The following AUTS2 variants were observed in gnomAD, a reference collection of about 807,000 sequenced individuals.
The protein encoded by AUTS2 is activator of transcription and developmental regulator AUTS2.
Under a neutral mutation model 112.4 loss-of-function variants are expected in AUTS2, and 17 were observed. The observed-to-expected ratio is 0.15, with a 90% confidence interval of 0.10 to 0.23. The LOEUF (loss-of-function observed/expected upper bound fraction) is 0.23, where lower values mean the gene tolerates loss of function less well. Among genes scored for constraint, AUTS2 ranks in the 10% least tolerant of loss-of-function variants. The pLI, the probability that AUTS2 is intolerant of heterozygous loss-of-function variation, is 1.00. For synonymous variants in AUTS2, 751 were observed against 702.7 expected, an observed-to-expected ratio of 1.07 and a Z score of -1.09; for missense variants, 1,510 against 1,701.6, an observed-to-expected ratio of 0.89 and a Z score of 1.98.
chr7:69,817,732 C>T lies in AUTS2; in HGVS notation c.310-81554C>T, dbSNP rs542661504. ...TTATGATATTTAAACCATGGCCTGC[C>T]TTGGGTGGCGGGACAGCCCTGCCCG... On this transcript the variant is annotated intron_variant, in intron 1 of 18. Coordinates refer to ENST00000342771, the MANE Select transcript of AUTS2 (RefSeq NM_015570.4). Among the ~76,000 whole-genome samples, 34 of 152,262 alleles carry T rather than the reference C, an allele frequency of 2.2e-4. No homozygotes were observed. The South Asian group carries it at 3.5e-3, about 16-fold the overall frequency.
rs760502563 is a variant in AUTS2, at chr7:70,787,264, C to A, written c.2364C>A (p.Asn788Lys). Residue 788 changes from asparagine to lysine, a missense_variant, in exon 18 of 19, where the codon AAC becomes AAA. Physicochemically the swap from Asn to Lys is moderately conservative, Grantham distance 94. This residue lies in a region of AUTS2 where 788 missense variants were observed against 797.6 expected (regional missense o/e 0.99). Coordinates refer to ENST00000342771, the MANE Select transcript of AUTS2 (RefSeq NM_015570.4). ...GCCCCAGTGTGCAGAACTTTAGCAA[C>A]CCTCACGAACCCTGGAACCGGCTGC... is the stretch of plus-strand genomic sequence containing the variant. ...KDGPSVQNFSNPHEPWNRLHR... is the reference protein window; with the variant it reads ...KDGPSVQNFSKPHEPWNRLHR... The A allele has an allele frequency of 1.9e-6, 3 of 1,614,102 alleles. No individual in the cohort carries two copies. Among genetic ancestry groups the A allele is most frequent in the Non-Finnish European group, 2.5e-6 (3 of 1,180,042 alleles).
intron 4 of AUTS2, among the ~76,000 whole-genome samples, chr7:70,312,222 T>C (rs1376800924): frequency 6.6e-6 from 1 of 152,166 alleles, no homozygotes; most frequent in Non-Finnish European, 1.5e-5. Context: ...GCTTTTTCTG[T>C]GTGTGATTTA....
chr7:70,311,650 G>A (rs936080145), intron 4 of AUTS2, among the ~76,000 whole-genome samples: 8 of 152,106 alleles, frequency 5.3e-5, no homozygotes, highest in Non-Finnish European at 1.0e-4. Flanking sequence ...TCTGCCTCCC[G>A]CATTCAAGCG....
chr7:70,153,336 A>G (rs1807549130), intron 4 of AUTS2, among the ~76,000 whole-genome samples: 1 of 152,230 alleles, frequency 6.6e-6, no homozygotes, highest in South Asian at 2.1e-4. Context: ...TACATATTGT[A>G]TGGTTCCAAT....
intron 2 of AUTS2, among the ~76,000 whole-genome samples, chr7:70,110,108 C>T (rs1325830960): frequency 6.6e-6 from 1 of 152,164 alleles, no homozygotes; most frequent in African/African-American, 2.4e-5. Context: ...CTGGATTGAG[C>T]GTGTCTATAG....
At chr7:69,998,173 A>G (rs1184457077) in intron 2 of AUTS2, among the ~76,000 whole-genome samples, 35 of 152,064 alleles carry the variant, frequency 2.3e-4, no homozygotes, top group Admixed American at 2.3e-3. Flanking sequence ...TCTCTGTAGA[A>G]ATGGTGATGA....
chr7:69,619,852 G>A (rs551594474), intron 1 of AUTS2, among the ~76,000 whole-genome samples: 6 of 152,202 alleles, frequency 3.9e-5, no homozygotes, highest in African/African-American at 1.2e-4. Flanking sequence ...TTACATTCTG[G>A]TGTCGCATTG....
intron 1 of AUTS2, among the ~76,000 whole-genome samples, chr7:69,639,420 A>T (rs1794702344): frequency 6.6e-6 from 1 of 152,200 alleles, no homozygotes; most frequent in South Asian, 2.1e-4. Flanking sequence ...TGAGGCTCTA[A>T]GGGACCTTTG....
chr7:70,583,874 A>G (rs997884509), intron 5 of AUTS2, among the ~76,000 whole-genome samples: 1 of 152,244 alleles, frequency 6.6e-6, no homozygotes, highest in Non-Finnish European at 1.5e-5. Context: ...TCTGTAGAGC[A>G]GCGGTAAGCA....
chr7:70,172,074 C>T (rs1194099053), intron 4 of AUTS2, among the ~76,000 whole-genome samples: 1 of 152,130 alleles, frequency 6.6e-6, no homozygotes, highest in African/African-American at 2.4e-5. Context: ...TTCCTCCTCA[C>T]CAAGCTTCCC....
intron 3 of AUTS2, among the ~76,000 whole-genome samples, chr7:70,125,146 T>C (rs1805896794): frequency 6.6e-6 from 1 of 152,170 alleles, no homozygotes; most frequent in African/African-American, 2.4e-5. Context: ...CAATTTTTTA[T>C]TGAATGCCAG....
chr7:69,725,291 C>T (rs893948760), intron 1 of AUTS2, among the ~76,000 whole-genome samples: 1 of 152,092 alleles, frequency 6.6e-6, no homozygotes, highest in East Asian at 1.9e-4. Context: ...ATGGAGCCCA[C>T]TTGAATCAAA....
At chr7:70,543,397 C>T (rs1026070085) in intron 5 of AUTS2, among the ~76,000 whole-genome samples, 2 of 151,864 alleles carry the variant, frequency 1.3e-5, no homozygotes, top group African/African-American at 2.4e-5. Flanking sequence ...GGGGTGGTGG[C>T]GGGCACCTGT....
chr7:70,593,006 T>C (rs1055452402), intron 5 of AUTS2, among the ~76,000 whole-genome samples: 1 of 151,660 alleles, frequency 6.6e-6, no homozygotes, highest in African/African-American at 2.4e-5. Flanking sequence ...CAATCCACCA[T>C]GCTAGCTACT....
At chr7:69,827,822 A>G (rs1053132788) in intron 1 of AUTS2, among the ~76,000 whole-genome samples, 4 of 152,206 alleles carry the variant, frequency 2.6e-5, no homozygotes, top group African/African-American at 7.2e-5. Flanking sequence ...GCTCATTCCT[A>G]GTTGTCTGCA....
At chr7:70,637,740 T>TG (rs1297335236) in intron 5 of AUTS2, among the ~76,000 whole-genome samples, 1 of 152,136 alleles carries the variant, frequency 6.6e-6, no homozygotes, top group African/African-American at 2.4e-5. Flanking sequence ...TTTTTATAGA[T>TG]GGTGGGCAAG....
intron 5 of AUTS2, among the ~76,000 whole-genome samples, chr7:70,452,383 C>T (rs781575195): frequency 5.6e-4 from 85 of 152,046 alleles, no homozygotes; most frequent in Non-Finnish European, 1.0e-3. Flanking sequence ...TGCGTGAGCC[C>T]GGGAGGCGGA....
intron 15 of AUTS2, chr7:70,782,655 C>T (rs182591743): frequency 6.6e-6 from 1 of 152,312 alleles, no homozygotes; most frequent in East Asian, 1.9e-4. Flanking sequence ...CTGCTAATAA[C>T]TTCATACCCA....
At chr7:70,248,648 C>T (rs1813055025) in intron 4 of AUTS2, among the ~76,000 whole-genome samples, 1 of 151,660 alleles carries the variant, frequency 6.6e-6, no homozygotes, top group South Asian at 2.1e-4. Flanking sequence ...TTTCTGATTT[C>T]CTGCTTTTCT....
Sources: gnomAD v4.1 joint callset for allele counts (sites outside exome capture counted in the v4.1 genomes callset) on GRCh38, gnomAD v4.1.1 for gene constraint, gnomAD v4.1.1 regional missense constraint, MANE v1.5 for transcripts, NCBI Gene and HGNC (gene_info 2026-07-23, HGNC 2026-07-21) for gene names.